Variants in NUCB2 observed in about 807,000 individuals in gnomAD.
NUCB2 encodes nucleobindin 2.
A neutral mutation model predicts 57.9 loss-of-function variants in NUCB2; 48 were observed. The observed-to-expected ratio is 0.83, with a 90% CI of 0.66 to 1.05. NUCB2 has a LOEUF of 1.05. NUCB2 is among the 50% of genes least tolerant of loss of function. The pLI, the probability that NUCB2 is intolerant of heterozygous loss-of-function variation, is 0.00. For missense variants in NUCB2, 442 were observed against 476.2 expected (o/e 0.93, Z 0.67); for synonymous variants, 139 against 152.1 (o/e 0.91, Z 0.64).
chr11:17,311,166 G>C (rs752078083), intron 7 of NUCB2, 27 bp from the exon 8 acceptor site: 4 of 1,553,990 alleles, frequency 2.6e-6, no homozygotes, highest in African/African-American at 1.4e-5. Context: ...ATTTTGTTTT[G>C]AGCAATTTTT....
intron 6 of NUCB2, 61 bp from the exon 7 acceptor site, chr11:17,310,764 C>A: frequency 7.3e-7 from 1 of 1,365,826 alleles, no homozygotes; most frequent in Non-Finnish European, 1.0e-6. Flanking sequence ...TCAAGAATGG[C>A]TTTATTTACA....
intron 2 of NUCB2, 119 bp downstream of exon 2, chr11:17,283,062 T>C (rs970562811): frequency 3.3e-5 from 5 of 152,212 alleles, no homozygotes; most frequent in African/African-American, 1.2e-4. Context: ...ACATGCAATA[T>C]TTATTTTTTA....
chr11:17,349,584 A>G (rs1415931878), exon 3 of NUCB2: 2 of 152,194 alleles, frequency 1.3e-5, no homozygotes, highest in Non-Finnish European at 2.9e-5. Flanking sequence ...ATTTCCATTT[A>G]TATTACTTTG....
intron 2 of NUCB2, among the ~76,000 whole-genome samples, chr11:17,289,801 G>A (rs534155392): frequency 6.6e-6 from 1 of 152,210 alleles, no homozygotes; most frequent in Admixed American, 6.5e-5. Flanking sequence ...AGATTTTGAG[G>A]CATGTAAAAG....
chr11:17,321,549 A>G (rs1950019048), intron 11 of NUCB2, among the ~76,000 whole-genome samples: 1 of 152,174 alleles, frequency 6.6e-6, no homozygotes, highest in South Asian at 2.1e-4. Flanking sequence ...TGTGAACAGT[A>G]CTACAACAAA....
At chr11:17,324,475 C>T (rs1390995248) in intron 11 of NUCB2, among the ~76,000 whole-genome samples, 1 of 151,940 alleles carries the variant, frequency 6.6e-6, no homozygotes, top group African/African-American at 2.4e-5. Flanking sequence ...GTTCTGTTGC[C>T]CAGGCTAGAG....
At chr11:17,293,948 A>G (rs946086844) in intron 2 of NUCB2, among the ~76,000 whole-genome samples, 4 of 152,146 alleles carry the variant, frequency 2.6e-5, no homozygotes, top group Non-Finnish European at 5.9e-5. Context: ...AGATGATGAA[A>G]ATGTTTTAAA....
chr11:17,342,283 A>AT (rs1207457718), intron 2 of NUCB2, among the ~76,000 whole-genome samples: 8 of 151,940 alleles, frequency 5.3e-5, no homozygotes, highest in Non-Finnish European at 1.0e-4. Context: ...GGATTCTTTG[A>AT]TTTTTTGAAG....
At position 17,323,889 on chromosome 11, in the gene NUCB2, T is replaced by A. The variant is rs374468430; in HGVS notation, c.1003-6238T>A. On this transcript the variant is annotated intron_variant, in intron 11 of 13. Coordinates refer to ENST00000529010, the MANE Select transcript of NUCB2 (RefSeq NM_005013.4). ...GCTCATAGTAGCCATTAAGGATCCATTGAATTTCTGCAGTACCAGTTGTAA... is the reference window on the plus strand; with the variant it reads ...GCTCATAGTAGCCATTAAGGATCCAATGAATTTCTGCAGTACCAGTTGTAA... 3.4e-4 allele frequency among the ~76,000 whole-genome samples: 52 copies of A among 152,348 alleles called. 1 individual carries two copies. The South Asian group carries it at 0.011, about 31-fold the overall frequency.
At chr11:17,336,750 T>A (rs1244319664), downstream of NUCB2, among the ~76,000 whole-genome samples, 1 of 62,224 alleles carries the variant, frequency 1.6e-5, no homozygotes, top group African/African-American at 8.2e-5. Flanking sequence ...CGAGACTCCG[T>A]CTCAAAAAAA....
intron 11 of NUCB2, among the ~76,000 whole-genome samples, chr11:17,323,469 T>C (rs72863690): frequency 0.045 from 6,918 of 152,312 alleles, 289 homozygotes; most frequent in Admixed American, 0.14. Context: ...GAACTCAGTT[T>C]GCTATTATTT....
chr11:17,294,158 C>T (rs186215722), intron 2 of NUCB2, among the ~76,000 whole-genome samples: 14 of 152,214 alleles, frequency 9.2e-5, no homozygotes, highest in African/African-American at 2.9e-4. Flanking sequence ...GGAGGTGATT[C>T]ATAGTGAGAA....
chr11:17,311,123 A>G (rs1053602002), intron 7 of NUCB2, 70 bp from the exon 8 acceptor site: 1 of 1,449,704 alleles, frequency 6.9e-7, no homozygotes, highest in Non-Finnish European at 9.4e-7. Context: ...AAGTTCCTCA[A>G]ATTTATATTT....
intron 11 of NUCB2, among the ~76,000 whole-genome samples, chr11:17,326,906 A>G (rs1950758654): frequency 1.3e-5 from 2 of 152,158 alleles, no homozygotes; most frequent in South Asian, 2.1e-4. Flanking sequence ...TGTTGATGCA[A>G]TCCCTCAGTT....
At chr11:17,304,355 C>A (rs549416425) in intron 5 of NUCB2, among the ~76,000 whole-genome samples, 1 of 152,110 alleles carries the variant, frequency 6.6e-6, no homozygotes, top group African/African-American at 2.4e-5. Context: ...CCACCACTCC[C>A]GGCTAATTTT....
chr11:17,311,351 T>C, intron 8 of NUCB2, 68 bp downstream of exon 8: 1 of 1,177,476 alleles, frequency 8.5e-7, no homozygotes, highest in East Asian at 2.4e-5. Flanking sequence ...TTCCTCTTAA[T>C]TGATTTCTGC....
Position 17,295,450 on chromosome 11 carries a change from G to T in NUCB2, c.127G>T (p.Ala43Ser). The change falls in exon 3 of 14, where the codon GCG (alanine) becomes TCG (serine). Residue 43 changes from alanine (A) to serine (S), a missense_variant. By Grantham distance (99) the Ala-to-Ser change is moderately conservative. Transcript: ENST00000529010. ...KVQNIHPVES[A>S]KIEPPDTGLY... ...ACAAAATATTCACCCTGTGGAAAGT[G>T]CGAAGATAGAACCACCAGTAAGTGA... The T allele has an allele frequency of 6.2e-7, 1 of 1,611,328 alleles. No homozygotes were observed. Among genetic ancestry groups the T allele is most frequent in the Non-Finnish European group, 8.5e-7 (1 of 1,179,096 alleles).
chr11:17,304,510 A>G (rs1947299954), intron 5 of NUCB2, among the ~76,000 whole-genome samples: 1 of 152,132 alleles, frequency 6.6e-6, no homozygotes, highest in South Asian at 2.1e-4. Context: ...AAACATTCAT[A>G]CAAATAAAAA....
chr11:17,288,961 A>ATTTTTTTTTTTTTTTTT (rs1290958369), intron 2 of NUCB2, among the ~76,000 whole-genome samples: 1 of 56,422 alleles, frequency 1.8e-5, no homozygotes, highest in Non-Finnish European at 3.0e-5. Context: ...ATATATATAT[A>ATTTTTTTTTTTTTTTTT]TATTTTTTTT....
Sources: gnomAD v4.1 joint callset for allele counts (sites outside exome capture counted in the v4.1 genomes callset) on GRCh38, gnomAD v4.1.1 for gene constraint, MANE v1.5 for transcripts, NCBI Gene and HGNC (gene_info 2026-07-23, HGNC 2026-07-21) for gene names.